The following ZNF385D variants were observed in gnomAD, a reference collection of about 807,000 sequenced individuals.
ZNF385D encodes zinc finger protein 659.
In ZNF385D, 15 loss-of-function variants were observed where a neutral mutation model predicts 35.8. That is an observed-to-expected ratio of 0.42 (90% CI 0.28 to 0.64). The LOEUF (loss-of-function observed/expected upper bound fraction) is 0.64, where lower values mean the gene tolerates loss of function less well. Ranked by LOEUF, ZNF385D falls within the 30% of genes least tolerant of loss-of-function variation. The probability of loss-of-function intolerance (pLI) is 0.23; values close to 1 mark genes in which losing one functional copy is unlikely to be tolerated. For synonymous variants in ZNF385D, 212 were observed against 186.8 expected (o/e 1.13, Z -1.10); for missense variants, 474 against 494.6 (o/e 0.96, Z 0.39).
At chr3:21,973,049 C>A (rs1243043157) in intron 3 of ZNF385D, among the ~76,000 whole-genome samples, 1 of 151,864 alleles carries the variant, frequency 6.6e-6, no homozygotes, top group Non-Finnish European at 1.5e-5. Context: ...AGAGGGAATA[C>A]TTCCAAACTC....
intron 3 of ZNF385D, among the ~76,000 whole-genome samples, chr3:22,018,758 C>T (rs1214910719): frequency 6.6e-6 from 1 of 151,870 alleles, no homozygotes; most frequent in Non-Finnish European, 1.5e-5. Context: ...CCAAAGATTC[C>T]TATGTACATT....
At chr3:21,598,354 T>G (rs1175042616) in intron 2 of ZNF385D, among the ~76,000 whole-genome samples, 1 of 152,172 alleles carries the variant, frequency 6.6e-6, no homozygotes, top group Non-Finnish European at 1.5e-5. Flanking sequence ...TTTAGCCTAA[T>G]GAGTGAAAAA....
intron 2 of ZNF385D, among the ~76,000 whole-genome samples, chr3:21,587,100 T>C (rs2063834474): frequency 6.6e-6 from 1 of 152,176 alleles, no homozygotes; most frequent in African/African-American, 2.4e-5. Flanking sequence ...CTGGAAGAGA[T>C]GAAAGTGGCA....
chr3:22,284,045 G>A (rs1701901073), intron 2 of ZNF385D, among the ~76,000 whole-genome samples: 1 of 151,956 alleles, frequency 6.6e-6, no homozygotes, highest in Non-Finnish European at 1.5e-5. Context: ...ATAATTACGA[G>A]ACAACAAGAA....
At chr3:21,745,339 T>C (rs1171785320) in intron 1 of ZNF385D, among the ~76,000 whole-genome samples, 1 of 152,230 alleles carries the variant, frequency 6.6e-6, no homozygotes, top group African/African-American at 2.4e-5. Flanking sequence ...GCCAATGCCC[T>C]AATACAGGTT....
intron 3 of ZNF385D, among the ~76,000 whole-genome samples, chr3:21,978,937 C>T (rs1694229253): frequency 1.3e-5 from 2 of 152,134 alleles, no homozygotes; most frequent in Admixed American, 6.6e-5. Flanking sequence ...AACATATTTT[C>T]TTCATATTAA....
intron 2 of ZNF385D, among the ~76,000 whole-genome samples, chr3:22,359,461 G>A (rs1696314812): frequency 6.6e-6 from 1 of 151,766 alleles, no homozygotes; most frequent in African/African-American, 2.4e-5. Flanking sequence ...ATAGAACTTA[G>A]GACTGGTTTC....
At position 22,232,362 on chromosome 3, in the gene ZNF385D, T is replaced by C. The variant is rs1230658957; in HGVS notation, c.107-63327A>G. Reference sequence around the variant, plus strand: ...ATTTCCTACTTGAACTTTGTATTTTTCTCTGAGAATGGCTTCACGTTCTTT... The same window carrying C: ...ATTTCCTACTTGAACTTTGTATTTTCCTCTGAGAATGGCTTCACGTTCTTT... On this transcript the variant is annotated intron_variant, in intron 2 of 5. Coordinates refer to the ZNF385D transcript ENST00000494108. Among the ~76,000 whole-genome samples, 3 of 152,088 alleles carry C rather than the reference T, an allele frequency of 2.0e-5. No individual in the cohort carries two copies. In the East Asian group the frequency reaches 5.8e-4, roughly 29 times the overall value.
At chr3:21,425,773 T>C (rs1450177599) in intron 5 of ZNF385D, 103 bp from the exon 6 acceptor site, 1 of 1,057,112 alleles carries the variant, frequency 9.5e-7, no homozygotes, top group African/African-American at 1.6e-5. Flanking sequence ...GTATATACCT[T>C]TAAGAAACAG....
chr3:22,208,822 G>A (rs776716746), intron 2 of ZNF385D, among the ~76,000 whole-genome samples: 2 of 151,844 alleles, frequency 1.3e-5, no homozygotes, highest in Non-Finnish European at 2.9e-5. Context: ...AAATTTACAA[G>A]CTGGCAAAAC....
chr3:21,929,746 A>G (rs1001679607), intron 3 of ZNF385D, among the ~76,000 whole-genome samples: 4 of 152,046 alleles, frequency 2.6e-5, no homozygotes, highest in African/African-American at 9.7e-5. Context: ...AACTTTAACA[A>G]AAGAGGGGCA....
chr3:21,704,384 C>T (rs962381479), intron 1 of ZNF385D, among the ~76,000 whole-genome samples: 8 of 152,094 alleles, frequency 5.3e-5, no homozygotes, highest in African/African-American at 1.7e-4. Flanking sequence ...CCCGAGCACA[C>T]ATTCCTGTAG....
intron 3 of ZNF385D, among the ~76,000 whole-genome samples, chr3:21,868,261 T>C (rs1323743528): frequency 1.3e-5 from 2 of 152,094 alleles, no homozygotes; most frequent in African/African-American, 2.4e-5. Context: ...CAAATGGCTA[T>C]GGCTGTGTAC....
intron 3 of ZNF385D, among the ~76,000 whole-genome samples, chr3:21,939,043 G>C (rs145916129): frequency 6.6e-6 from 1 of 152,280 alleles, no homozygotes; most frequent in Admixed American, 6.5e-5. Context: ...TGATGGGGCA[G>C]GTTTCTCACT....
intron 2 of ZNF385D, among the ~76,000 whole-genome samples, chr3:22,238,337 A>T (rs1699305724): frequency 6.6e-6 from 1 of 150,992 alleles, no homozygotes; most frequent in East Asian, 2.0e-4. Flanking sequence ...TAGCTTGTCC[A>T]TTTCTCCAAA....
At chr3:21,706,638 C>T (rs2067909614) in intron 1 of ZNF385D, among the ~76,000 whole-genome samples, 1 of 152,062 alleles carries the variant, frequency 6.6e-6, no homozygotes, top group Non-Finnish European at 1.5e-5. Context: ...GGTTTATTGC[C>T]ATTATTAATC....
chr3:21,858,408 T>C (rs1477068470), intron 3 of ZNF385D, among the ~76,000 whole-genome samples: 1 of 151,858 alleles, frequency 6.6e-6, no homozygotes, highest in Non-Finnish European at 1.5e-5. Context: ...TACCCCCAGA[T>C]TCACATGTTT....
chr3:21,506,212 G>A (rs763697751), intron 4 of ZNF385D, among the ~76,000 whole-genome samples: 4 of 151,816 alleles, frequency 2.6e-5, no homozygotes, highest in African/African-American at 4.8e-5. Flanking sequence ...GAAATATTAC[G>A]TGTCAGTCCA....
chr3:21,806,849 T>C (rs934716183), intron 3 of ZNF385D, among the ~76,000 whole-genome samples: 1 of 152,200 alleles, frequency 6.6e-6, no homozygotes, highest in African/African-American at 2.4e-5. Context: ...CTTCAGACTT[T>C]GTGAATCAAA....
Sources: gnomAD v4.1 joint callset for allele counts (sites outside exome capture counted in the v4.1 genomes callset) on GRCh38, gnomAD v4.1.1 for gene constraint, MANE v1.5 for transcripts, NCBI Gene and HGNC (gene_info 2026-07-23, HGNC 2026-07-21) for gene names.